The following HLCS variants were observed in gnomAD, a reference collection of about 807,000 sequenced individuals.
HLCS encodes the protein biotin--protein ligase.
Under a neutral mutation model 75.0 loss-of-function variants are expected in HLCS, and 53 were observed. The ratio of observed to expected loss-of-function variants is 0.71; its 90% CI spans 0.57 to 0.89. The LOEUF is 0.89. HLCS is among the 40% of genes least tolerant of loss of function. The pLI is 0.00. For synonymous variants in HLCS, 431 were observed against 428.6 expected (o/e 1.01, Z -0.07); for missense variants, 966 against 1,074.0 (o/e 0.90, Z 1.41).
At chr21:36,829,775 A>AGG (rs2062133666) in intron 6 of HLCS, among the ~76,000 whole-genome samples, 1 of 152,172 alleles carries the variant, frequency 6.6e-6, no homozygotes, top group Non-Finnish European at 1.5e-5. Flanking sequence ...GACTTACTTA[A>AGG]GTTCCAGAGT....
At chr21:36,979,914 G>A in intron 1 of HLCS, among the ~76,000 whole-genome samples, 2 of 151,350 alleles carry the variant, frequency 1.3e-5, no homozygotes, top group Middle Eastern at 6.8e-3. Flanking sequence ...AATTAGCCAG[G>A]CATGGTGGTG....
intron 6 of HLCS, among the ~76,000 whole-genome samples, chr21:36,824,170 G>C (rs1371552693): frequency 6.6e-6 from 1 of 152,108 alleles, no homozygotes; most frequent in East Asian, 1.9e-4. Flanking sequence ...ATTCACAATG[G>C]CAAAGACATG....
chr21:36,873,746 T>C (rs1172097970), intron 6 of HLCS, among the ~76,000 whole-genome samples: 3 of 152,170 alleles, frequency 2.0e-5, no homozygotes, highest in African/African-American at 7.2e-5. Context: ...ACCACAGGCA[T>C]GTGCCACCAC....
chr21:36,850,922 G>A (rs1692240884), intron 6 of HLCS, among the ~76,000 whole-genome samples: 1 of 152,150 alleles, frequency 6.6e-6, no homozygotes, highest in Non-Finnish European at 1.5e-5. Context: ...GGCCTTCGAG[G>A]ACACTACCCC....
intron 6 of HLCS, among the ~76,000 whole-genome samples, chr21:36,795,854 C>A (rs186633026): frequency 2.6e-4 from 39 of 152,096 alleles, no homozygotes; most frequent in African/African-American, 8.2e-4. Flanking sequence ...AATGAATGAG[C>A]GAATAAATAT....
chr21:36,790,363 G>A (rs866757546), intron 6 of HLCS, among the ~76,000 whole-genome samples: 1 of 152,132 alleles, frequency 6.6e-6, no homozygotes, highest in South Asian at 2.1e-4. Context: ...GAGATCGTGC[G>A]ACTGCACTCC....
chr21:36,908,645 A>T (rs2065566033), intron 5 of HLCS, among the ~76,000 whole-genome samples: 1 of 152,232 alleles, frequency 6.6e-6, no homozygotes, highest in Non-Finnish European at 1.5e-5. Flanking sequence ...GCTTTACTCA[A>T]AACAGCCATA....
intron 5 of HLCS, among the ~76,000 whole-genome samples, chr21:36,900,272 G>A (rs989967045): frequency 7.2e-5 from 11 of 152,150 alleles, no homozygotes; most frequent in South Asian, 2.1e-4. Flanking sequence ...AGAAGGCAAC[G>A]CTTAAGGAAA....
intron 6 of HLCS, among the ~76,000 whole-genome samples, chr21:36,894,741 A>G (rs1043453803): frequency 1.3e-5 from 2 of 152,204 alleles, no homozygotes; most frequent in African/African-American, 4.8e-5. Flanking sequence ...CCCTTTGTAA[A>G]AGTAAAAACT....
At chr21:36,956,258 G>A (rs1293086690) in intron 2 of HLCS, among the ~76,000 whole-genome samples, 1 of 152,078 alleles carries the variant, frequency 6.6e-6, no homozygotes, top group Non-Finnish European at 1.5e-5. Flanking sequence ...TCAGGGGGTG[G>A]GGAGGCACGT....
intron 6 of HLCS, among the ~76,000 whole-genome samples, chr21:36,770,428 T>C (rs2060169997): frequency 6.6e-6 from 1 of 152,094 alleles, no homozygotes; most frequent in Non-Finnish European, 1.5e-5. Context: ...ATTACAGGTG[T>C]AAGCCACCAC....
chr21:36,786,343 C>T (rs762042012), intron 6 of HLCS, among the ~76,000 whole-genome samples: 11 of 151,380 alleles, frequency 7.3e-5, no homozygotes, highest in Non-Finnish European at 1.2e-4. Flanking sequence ...TCAGGAAACA[C>T]GCTCAAATAA....
chr21:36,815,987 T>C (rs1383702066), intron 6 of HLCS, among the ~76,000 whole-genome samples: 2 of 152,202 alleles, frequency 1.3e-5, no homozygotes, highest in Admixed American at 6.5e-5. Flanking sequence ...CCTCCACTAG[T>C]CATCTAGTCA....
chr21:36,758,891 G>A (rs1445686827), intron 9 of HLCS, among the ~76,000 whole-genome samples: 1 of 152,046 alleles, frequency 6.6e-6, no homozygotes, highest in East Asian at 1.9e-4. Flanking sequence ...GCTGAGGCAA[G>A]GAGAATCACT....
At chr21:36,851,583 A>C (rs369972680) in intron 6 of HLCS, among the ~76,000 whole-genome samples, 1 of 152,204 alleles carries the variant, frequency 6.6e-6, no homozygotes, top group African/African-American at 2.4e-5. Context: ...AGTAGTTAGA[A>C]AGAATGGAAA....
chr21:36,941,209 C>CAA, intron 2 of HLCS, among the ~76,000 whole-genome samples: 1 of 152,258 alleles, frequency 6.6e-6, no homozygotes, highest in East Asian at 1.9e-4. Flanking sequence ...AAGACTCTGT[C>CAA]TCAATCAATC....
chr21:36,757,603 T>C (rs968822989), intron 9 of HLCS, among the ~76,000 whole-genome samples: 1 of 152,138 alleles, frequency 6.6e-6, no homozygotes, highest in Non-Finnish European at 1.5e-5. Flanking sequence ...CCCCAAAACA[T>C]TCGCCACAGG....
At chr21:36,870,425 T>C (rs2063729941) in intron 6 of HLCS, among the ~76,000 whole-genome samples, 1 of 152,202 alleles carries the variant, frequency 6.6e-6, no homozygotes, top group South Asian at 2.1e-4. Context: ...CTTGCATGAT[T>C]TTCACTTATA....
At chr21:36,955,642 CTAAGAT>C (rs1250070296) in intron 2 of HLCS, among the ~76,000 whole-genome samples, 1 of 151,866 alleles carries the variant, frequency 6.6e-6, no homozygotes, top group Non-Finnish European at 1.5e-5. Flanking sequence ...TGATAGTAAG[CTAAGAT>C]TAATTTATTA....
Sources: gnomAD v4.1 joint callset for allele counts (sites outside exome capture counted in the v4.1 genomes callset) on GRCh38, gnomAD v4.1.1 for gene constraint, MANE v1.5 for transcripts, NCBI Gene and HGNC (gene_info 2026-07-23, HGNC 2026-07-21) for gene names.